TYR: variants seen among roughly 807,000 people sequenced by gnomAD.
The protein encoded by TYR is tyrosinase, also known as LB24-AB.
TYR carries 58 observed loss-of-function variants against 51.5 expected under a neutral mutation model. That is an observed-to-expected ratio of 1.13 (90% CI 0.91 to 1.40). TYR has a LOEUF of 1.40. Ranked by LOEUF, TYR falls within the 40% of genes most tolerant of loss-of-function variation. The pLI is 0.00. For synonymous variants in TYR, 263 were observed against 235.2 expected (o/e 1.12, Z -1.08); for missense variants, 732 against 647.4 (o/e 1.13, Z -1.42).
chr11:89,198,931 C>T (rs1312039794), intron 2 of TYR, among the ~76,000 whole-genome samples: 2 of 152,002 alleles, frequency 1.3e-5, no homozygotes, highest in Admixed American at 1.3e-4. Context: ...CCATGACAGG[C>T]CCCGGTGTGT....
intron 3 of TYR, among the ~76,000 whole-genome samples, chr11:89,243,800 T>A (rs1169334190): frequency 6.6e-6 from 1 of 152,148 alleles, no homozygotes; most frequent in East Asian, 1.9e-4. Flanking sequence ...TTGCATACAA[T>A]GGAAAATTCA....
intron 3 of TYR, among the ~76,000 whole-genome samples, chr11:89,275,921 C>T (rs776147616): frequency 6.6e-6 from 1 of 151,822 alleles, no homozygotes; most frequent in African/African-American, 2.4e-5. Flanking sequence ...TCAGGCTGAA[C>T]TTAAAATATG....
chr11:89,178,590 CTCT>C lies in TYR; in HGVS notation c.642_644del (p.Phe214del). On this transcript the variant is annotated inframe_deletion, in exon 1 of 5. Coordinates refer to ENST00000263321, the MANE Select transcript of TYR (RefSeq NM_000372.5). ...ACCAGCTTTTCTGCCTTGGCATAGA[CTCT>C]TCTTGTTGCGGTGGGAACAAGAAAT... The C allele has an allele frequency of 1.2e-6, 2 of 1,613,614 alleles. No individual in the cohort carries two copies. Among genetic ancestry groups the C allele is most frequent in the Non-Finnish European group, 8.5e-7 (1 of 1,179,718 alleles).
chr11:89,199,017 T>A (rs1271942814), intron 2 of TYR, among the ~76,000 whole-genome samples: 1 of 152,124 alleles, frequency 6.6e-6, no homozygotes, highest in African/African-American at 2.4e-5. Context: ...GGTGTTTGGT[T>A]TTTTGTCCTT....
chr11:89,290,714 G>T (rs1323836443), intron 4 of TYR, among the ~76,000 whole-genome samples: 2 of 151,842 alleles, frequency 1.3e-5, no homozygotes, highest in Non-Finnish European at 2.9e-5. Context: ...TCTTTTTAAG[G>T]GAACTTCCCC....
At chr11:89,258,116 A>G (rs1396622298) in intron 3 of TYR, among the ~76,000 whole-genome samples, 2 of 152,076 alleles carry the variant, frequency 1.3e-5, no homozygotes, top group Non-Finnish European at 2.9e-5. Context: ...AAGGTGTGGC[A>G]TTATGACAAT....
At chr11:89,190,827 A>G (rs1591142539) in intron 1 of TYR, among the ~76,000 whole-genome samples, 1 of 152,184 alleles carries the variant, frequency 6.6e-6, no homozygotes, top group East Asian at 1.9e-4. Flanking sequence ...TTTTTACTGT[A>G]CCTTTTACAT....
At chr11:89,210,230 T>G (rs1943734730) in intron 2 of TYR, among the ~76,000 whole-genome samples, 2 of 152,132 alleles carry the variant, frequency 1.3e-5, no homozygotes, top group Admixed American at 1.3e-4. Context: ...GAAAAAAGGT[T>G]AGATGAATGG....
At chr11:89,223,402 A>C (rs1943937925) in intron 2 of TYR, among the ~76,000 whole-genome samples, 1 of 152,160 alleles carries the variant, frequency 6.6e-6, no homozygotes, top group African/African-American at 2.4e-5. Flanking sequence ...ATTTTTTTTC[A>C]AGTTGACTTC....
intron 3 of TYR, among the ~76,000 whole-genome samples, chr11:89,264,509 A>G (rs1944501077): frequency 6.6e-6 from 1 of 151,970 alleles, no homozygotes; most frequent in African/African-American, 2.4e-5. Flanking sequence ...AGAGTGTGGC[A>G]ATCTCTTGAA....
chr11:89,291,340 G>A (rs1012318929), intron 4 of TYR, among the ~76,000 whole-genome samples: 1 of 151,828 alleles, frequency 6.6e-6, no homozygotes, highest in Non-Finnish European at 1.5e-5. Context: ...TTTAATTTAT[G>A]TAATACTTAT....
intron 3 of TYR, among the ~76,000 whole-genome samples, chr11:89,264,925 T>C (rs373760191): frequency 1.3e-5 from 2 of 152,176 alleles, no homozygotes; most frequent in East Asian, 3.9e-4. Flanking sequence ...TTCAAGGAAA[T>C]CTGTTCACTT....
intron 2 of TYR, among the ~76,000 whole-genome samples, chr11:89,194,996 CA>C (rs1263313396): frequency 6.6e-6 from 1 of 152,158 alleles, no homozygotes; most frequent in Non-Finnish European, 1.5e-5. Flanking sequence ...AAGTTTTCCT[CA>C]CCAGAGAGAC....
intron 3 of TYR, among the ~76,000 whole-genome samples, chr11:89,245,275 G>T (rs753102514): frequency 6.6e-6 from 1 of 152,160 alleles, no homozygotes; most frequent in East Asian, 1.9e-4. Context: ...AAGGTTTATT[G>T]TGTGCTTACT....
chr11:89,242,836 G>A (rs1252627795), intron 3 of TYR, among the ~76,000 whole-genome samples: 1 of 152,090 alleles, frequency 6.6e-6, no homozygotes, highest in Non-Finnish European at 1.5e-5. Context: ...AATCAAAGAA[G>A]GTATGCATCT....
chr11:89,277,565 A>G (rs1944670413), intron 3 of TYR, among the ~76,000 whole-genome samples: 1 of 151,764 alleles, frequency 6.6e-6, no homozygotes, highest in South Asian at 2.1e-4. Context: ...ATATCTAGCG[A>G]ATGACCTGAC....
chr11:89,210,830 T>C (rs2135268942), intron 2 of TYR, among the ~76,000 whole-genome samples: 1 of 151,886 alleles, frequency 6.6e-6, no homozygotes, highest in Admixed American at 6.6e-5. Context: ...CTTAAATAAT[T>C]TTCAACCCAG....
In TYR at chr11:89,270,250, T is replaced by G. The variant is rs147910252; in HGVS notation, c.1185-14523T>G. Among the ~76,000 whole-genome samples, 643 of 152,018 alleles carry G rather than the reference T, an allele frequency of 4.2e-3. 1 individual carries two copies. The highest frequency in any genetic ancestry group is 6.8e-3 in the Middle Eastern group (2 of 294). The stretch of plus-strand genomic sequence containing the variant: ...GTGCTTTACTCCTACTAGAATGCTT[T>G]TTTTCCCTCTTATTACTTTGCCTAG... On this transcript the variant is annotated intron_variant, in intron 3 of 4. Coordinates refer to ENST00000263321, the MANE Select transcript of TYR (RefSeq NM_000372.5).
intron 2 of TYR, among the ~76,000 whole-genome samples, chr11:89,196,918 T>A (rs1943526872): frequency 6.6e-6 from 1 of 152,108 alleles, no homozygotes; most frequent in Non-Finnish European, 1.5e-5. Context: ...TACAAAAAAA[T>A]ACAAAGATGA....
Sources: allele counts gnomAD v4.1 joint callset (sites outside exome capture counted in the v4.1 genomes callset), GRCh38; gene constraint gnomAD v4.1.1; transcripts MANE v1.5; gene names NCBI Gene and HGNC (gene_info 2026-07-23, HGNC 2026-07-21).